Variants in FBXO34 observed in about 807,000 individuals in gnomAD.
FBXO34 encodes F-box only protein 34.
Under a neutral mutation model 24.5 loss-of-function variants are expected in FBXO34, and 12 were observed. The observed-to-expected ratio is 0.49, with a 90% CI of 0.31 to 0.79. The LOEUF (loss-of-function observed/expected upper bound fraction) is 0.79. FBXO34 is among the 30% of genes least tolerant of loss of function. The pLI, the probability that FBXO34 is intolerant of heterozygous loss-of-function variation, is 0.04. For synonymous variants in FBXO34, 320 were observed against 311.9 expected, an observed-to-expected ratio of 1.03 and a Z score of -0.27; for missense variants, 823 against 857.7, an observed-to-expected ratio of 0.96 and a Z score of 0.51.
chr14:55,385,441 C>T, the FBXO34 span, among the ~76,000 whole-genome samples: 7 of 152,140 alleles, frequency 4.6e-5, 1 homozygote, highest in South Asian at 6.2e-4. Flanking sequence ...TACAGGCACG[C>T]GCCACCACGC....
At chr14:55,435,211 T>C in the FBXO34 span, among the ~76,000 whole-genome samples, 1 of 152,130 alleles carries the variant, frequency 6.6e-6, no homozygotes, top group East Asian at 1.9e-4. Flanking sequence ...AGACAACATT[T>C]GGCAAAAATT....
At chr14:55,372,087 CCA>C (rs1884832153), downstream of FBXO34, among the ~76,000 whole-genome samples, 1 of 152,148 alleles carries the variant, frequency 6.6e-6, no homozygotes, top group Admixed American at 6.5e-5. Context: ...TCTCCTAGCG[CCA>C]CTCCCAAATA....
downstream of FBXO34, chr14:55,370,038 A>G: frequency 3.0e-6 from 3 of 999,658 alleles, no homozygotes; most frequent in Admixed American, 2.7e-5. Flanking sequence ...CGCACACCCC[A>G]TTCATTCCCC....
At chr14:55,387,313 A>T in the FBXO34 span, among the ~76,000 whole-genome samples, 1 of 152,184 alleles carries the variant, frequency 6.6e-6, no homozygotes, top group African/African-American at 2.4e-5. Flanking sequence ...TTTCTGCAAG[A>T]TGGAACCACT....
intron 3 of FBXO34, among the ~76,000 whole-genome samples, chr14:55,361,305 ATAAT>A (rs1465819603): frequency 6.6e-6 from 1 of 152,240 alleles, no homozygotes; most frequent in Non-Finnish European, 1.5e-5. Context: ...ATGGGCAGTA[ATAAT>A]TTGAAAGGAA....
chr14:55,369,715 CG>C (rs1487781749), downstream of FBXO34: 2 of 1,611,294 alleles, frequency 1.2e-6, no homozygotes, highest in Admixed American at 1.7e-5. Flanking sequence ...TGGGTGGGGA[CG>C]CCTGGGTGCT....
chr14:55,377,704 T>A, the FBXO34 span: 1 of 645,438 alleles, frequency 1.5e-6, no homozygotes, highest in Non-Finnish European at 2.6e-6. Context: ...CTCCACTATT[T>A]TTGTCCGGTT....
At chr14:55,425,299 C>T in the FBXO34 span, among the ~76,000 whole-genome samples, 129,545 of 152,154 alleles carry the variant, frequency 0.85, 55,684 homozygotes, top group East Asian at 1. Context: ...GAGACCATGA[C>T]ACTAGGGGGA....
At chr14:55,370,000 G>A, downstream of FBXO34, 1 of 1,453,766 alleles carries the variant, frequency 6.9e-7, no homozygotes, top group Non-Finnish European at 9.3e-7. Flanking sequence ...TCTTCCTGAA[G>A]GCCCTCACCT....
downstream of FBXO34, among the ~76,000 whole-genome samples, chr14:55,374,908 A>G (rs1884889540): frequency 6.6e-6 from 1 of 152,228 alleles, no homozygotes; most frequent in African/African-American, 2.4e-5. Context: ...CCTTTATGCT[A>G]TGTTTTAAAT....
chr14:55,360,254 G>A (rs1195399770), intron 3 of FBXO34, among the ~76,000 whole-genome samples: 1 of 151,992 alleles, frequency 6.6e-6, no homozygotes. Context: ...TGTATTTTTA[G>A]TAGAGACGGG....
intron 1 of FBXO34, among the ~76,000 whole-genome samples, chr14:55,334,560 C>T (rs567578602): frequency 6.6e-6 from 1 of 152,016 alleles, no homozygotes; most frequent in East Asian, 1.9e-4. Context: ...TAGATGTGAT[C>T]TGGGCAACGA....
At chr14:55,418,359 C>A in the FBXO34 span, among the ~76,000 whole-genome samples, 355 of 152,292 alleles carry the variant, frequency 2.3e-3, 3 homozygotes, top group African/African-American at 8.2e-3. Context: ...CAAATATCAA[C>A]CTCCAATACT....
At chr14:55,437,571 C>A in the FBXO34 span, among the ~76,000 whole-genome samples, 10,309 of 152,292 alleles carry the variant, frequency 0.068, 389 homozygotes, top group Non-Finnish European at 0.088. Flanking sequence ...ACTATCTTAG[C>A]TACTTTGGTT....
At chr14:55,281,188 A>G (rs2139645179) in intron 1 of FBXO34, among the ~76,000 whole-genome samples, 1 of 141,576 alleles carries the variant, frequency 7.1e-6, no homozygotes, top group East Asian at 2.3e-4. Flanking sequence ...CAGGAGTTTT[A>G]GGTTATGGTG....
In FBXO34 at chr14:55,338,234, A is replaced by T. The variant is rs145469417; in HGVS notation, c.-10-12147A>T. Among the ~76,000 whole-genome samples the T allele has an allele frequency of 7.6e-3, 1,155 of 151,346 alleles. 13 individuals carry two copies. Among genetic ancestry groups the T allele is most frequent in the African/African-American group, 0.023 (929 of 41,236 alleles). On this transcript the variant is annotated intron_variant, in intron 1 of 1. Transcript: ENST00000313833. ...CCAGCTAATTTTTTGTATTTTTAGT[A>T]GAGACGGGGTTTCACTGTGTTAGCC...
intron 1 of FBXO34, among the ~76,000 whole-genome samples, chr14:55,281,255 TAAAAA>T (rs533626777): frequency 2.0e-5 from 2 of 98,456 alleles, no homozygotes; most frequent in East Asian, 2.9e-4. Context: ...CCCGACTCCT[TAAAAA>T]AAAAAAAAAA....
chr14:55,327,908 G>GTTTTTTTT lies in FBXO34; in HGVS notation c.-10-22445_-10-22438dup, dbSNP rs386381425. 1.5e-3 allele frequency among the ~76,000 whole-genome samples: 75 copies of GTTTTTTTT among 48,730 alleles called. 11 individuals carry two copies. The highest frequency in any genetic ancestry group is 0.033 in the Middle Eastern group (2 of 60). The allele number at this position is 48,730 out of a possible 152,430, so 32.0% of individuals were successfully genotyped here. A position where few individuals can be genotyped will look rare whatever the true frequency, so the allele number is the denominator to read the frequency against. On this transcript the variant is annotated intron_variant, in intron 1 of 1. Transcript: ENST00000313833. Reference sequence around the variant, plus strand: ...CATATGATTTTCTTTGTTGTTGTTGGTTTTTTTTTTTTTTTTTTTTTTTTT... The same window carrying GTTTTTTTT: ...CATATGATTTTCTTTGTTGTTGTTGGTTTTTTTTTTTTTTTTTTTTTTTTTTTTTTTTT...
the FBXO34 span, among the ~76,000 whole-genome samples, chr14:55,413,377 ACTC>A: frequency 6.6e-6 from 1 of 151,806 alleles, no homozygotes; most frequent in East Asian, 1.9e-4. Flanking sequence ...GTTATTTGAA[ACTC>A]CTATATGTTG....
Sources: allele counts gnomAD v4.1 joint callset (sites outside exome capture counted in the v4.1 genomes callset), GRCh38; gene constraint gnomAD v4.1.1; transcripts MANE v1.5; gene names NCBI Gene and HGNC (gene_info 2026-07-23, HGNC 2026-07-21).